ZNF646: variants seen among roughly 807,000 people sequenced by gnomAD.
The protein encoded by ZNF646 is zinc finger protein 646.
ZNF646 carries 49 observed loss-of-function variants against 115.4 expected under a neutral mutation model. The ratio of observed to expected loss-of-function variants is 0.42; its 90% CI spans 0.34 to 0.54. The LOEUF (loss-of-function observed/expected upper bound fraction) is 0.54. ZNF646 is among the 20% of genes least tolerant of loss of function. ZNF646 has a pLI of 0.04. For synonymous variants in ZNF646, 933 were observed against 939.0 expected (o/e 0.99, Z 0.12); for missense variants, 2,269 against 2,457.9 (o/e 0.92, Z 1.62).
rs140680683 is a variant in ZNF646 at position 31,076,514 on chromosome 16, G to A, written c.190G>A (p.Val64Ile). 2.5e-6 allele frequency: 4 copies of A among 1,613,272 alleles called. No individual in the cohort carries two copies. The African/African-American group carries it at 5.3e-5, about 22-fold the overall frequency. ...GRGYRHPGSL[V>I]NHRRTHETGL... Reference sequence around the variant, plus strand: ...GGGCTACCGTCACCCCGGGAGCCTGGTTAACCATCGTCGGACCCACGAGAC... The same window carrying A: ...GGGCTACCGTCACCCCGGGAGCCTGATTAACCATCGTCGGACCCACGAGAC... The change falls in exon 2 of 3, where the codon GTT becomes ATT. Residue 64 changes from valine (V) to isoleucine (I), a missense_variant. By Grantham distance (29) the Val-to-Ile change is conservative (BLOSUM62 3). Coordinates refer to ENST00000300850, the MANE Select transcript of ZNF646 (RefSeq NM_014699.4).
chr16:31,082,589 C>T lies in ZNF646; in HGVS notation c.5378-382C>T, dbSNP rs1003846723. 22 of 247,704 alleles carry T rather than the reference C, an allele frequency of 8.9e-5. 1 individual carries two copies. The South Asian group carries it at 9.0e-4, about 10-fold the overall frequency. 15.3% of individuals were successfully genotyped at this position (247,704 alleles called of 1,614,324 possible). A position where few individuals can be genotyped will look rare whatever the true frequency, so the allele number is the denominator to read the frequency against. ...AAGCCGCAGCTGCCAGGGAGTGGGG[C>T]GGCCGGTTCCCTCAGCAGGACCTGG... On this transcript the variant is annotated intron_variant, in intron 2 of 2. Coordinates refer to ENST00000300850, the MANE Select transcript of ZNF646 (RefSeq NM_014699.4).
intron 2 of ZNF646, 195 bp downstream of exon 2, chr16:31,081,896 C>T: frequency 2.1e-6 from 2 of 963,078 alleles, no homozygotes; most frequent in Non-Finnish European, 3.0e-6. Context: ...TCAGGTATAA[C>T]AAATAGCAGG....
At position 31,077,873 on chromosome 16, in the gene ZNF646, G is replaced by A. The variant is rs746151988; in HGVS notation, c.1549G>A (p.Ala517Thr). ...CAACCACGTGCGGGTACATTGCAAG[G>A]CTGCTCGCCGAAGTGCAGACATCGG... Reference protein sequence around the residue: ...LRNHVRVHCKAARRSADIGAE... With the variant: ...LRNHVRVHCKTARRSADIGAE... Residue 517 changes from alanine (A) to threonine (T), a missense_variant, in exon 2 of 3, where the codon GCT becomes ACT. Physicochemically the swap from Ala to Thr is moderately conservative, Grantham distance 58. This residue lies in a region of ZNF646 where 852 missense variants were observed against 900.2 expected (regional missense o/e 0.95). Transcript: ENST00000300850. The A allele has an allele frequency of 1.2e-6, 2 of 1,613,750 alleles. No homozygotes were observed. Among genetic ancestry groups the A allele is most frequent in the Non-Finnish European group, 1.7e-6 (2 of 1,180,026 alleles).
In ZNF646 at chr16:31,080,892, C is replaced by T. The variant is rs1397914153; in HGVS notation, c.4568C>T (p.Ser1523Phe). 6 of 1,614,028 alleles carry T rather than the reference C, an allele frequency of 3.7e-6. No homozygotes were observed. Among genetic ancestry groups the T allele is most frequent in the Non-Finnish European group, 4.2e-6 (5 of 1,180,046 alleles). The change falls in exon 2 of 3, where the codon TCT becomes TTT. Residue 1523 changes from serine (S) to phenylalanine (F), a missense_variant. Physicochemically the swap from Ser to Phe is radical, Grantham distance 155. Transcript: ENST00000300850. ...AGCTGGGACAACAGAGACAACAGCT[C>T]TCAGCTGCAGCCAGGGAGCCACTCC... ...MDSWDNRDNS[S>F]QLQPGSHSSC... is the part of the protein sequence containing the mutation.
Position 31,080,227 on chromosome 16 carries a change from TGGGCAGTGC to T in ZNF646, c.3908_3916del (p.Gln1303_Gly1305del). 1 of 1,610,518 alleles carries T rather than the reference TGGGCAGTGC, an allele frequency of 6.2e-7. No homozygotes were observed. ...CTCGGGAAGATCGGCCCTTCCGCTG[TGGGCAGTGC>T]GGGCGGACCTATCGCCACGCCGGCA... On this transcript the variant is annotated inframe_deletion, in exon 2 of 3. Coordinates refer to ENST00000300850, the MANE Select transcript of ZNF646 (RefSeq NM_014699.4).
Position 31,080,737 on chromosome 16 carries a change from G to A in ZNF646, c.4413G>A (p.Leu1471=). ...GTGGGTGGCCGGTAGGTGGGGGACT[G>A]GGGAATCATAGTGGAGGCTGGGTTC... ...KAGGWPVGGG[L]GNHSGGWVPQ... Residue 1471 remains leucine (L), a synonymous_variant, in exon 2 of 3, where the codon CTG becomes CTA. Coordinates refer to ENST00000300850, the MANE Select transcript of ZNF646 (RefSeq NM_014699.4). 6.2e-7 allele frequency: 1 copy of A among 1,613,646 alleles called. No individual in the cohort carries two copies.
rs752470325 is a variant in ZNF646 at position 31,079,578 on chromosome 16, C to A, written c.3254C>A (p.Ser1085Tyr). Residue 1085 changes from serine to tyrosine, a missense_variant, in exon 2 of 3, where the codon TCC (serine) becomes TAC (tyrosine). Around this residue, in one of 5 missense-constraint regions of ZNF646, gnomAD observed 1,062 missense variants for 1,172.8 expected, o/e 0.91. Transcript: ENST00000300850. This position sits in a 1 kb window ranked among gnomAD's most constrained non-coding sequence, Gnocchi z 5.5. Reference protein sequence around the residue: ...QTGDFLCPVCSRCYPNLAAYR... With the variant: ...QTGDFLCPVCYRCYPNLAAYR... ...GGAGACTTTCTCTGCCCTGTCTGCT[C>A]CCGCTGCTACCCCAACCTGGCTGCC... 2 of 1,613,392 alleles carry A rather than the reference C, an allele frequency of 1.2e-6. No homozygotes were observed. Among genetic ancestry groups the A allele is most frequent in the Non-Finnish European group, 1.7e-6 (2 of 1,180,024 alleles).
In ZNF646 at chr16:31,081,384, G is replaced by A. The variant is rs1468254839; in HGVS notation, c.5060G>A (p.Arg1687His). 3.1e-6 allele frequency: 5 copies of A among 1,611,906 alleles called. No individual in the cohort carries two copies. Among genetic ancestry groups the A allele is most frequent in the South Asian group, 1.1e-5 (1 of 91,040 alleles). The change falls in exon 2 of 3, where the codon CGC (arginine) becomes CAC (histidine). Residue 1687 changes from arginine to histidine, a missense_variant. Arg to His is a conservative substitution (Grantham distance 29). This residue lies in a region of ZNF646 where 1,062 missense variants were observed against 1,172.8 expected (regional missense o/e 0.91). Transcript: ENST00000300850. ...FRCTQCGRSYRHAGSLLNHQK... is the reference protein window; with the variant it reads ...FRCTQCGRSYHHAGSLLNHQK... ...TGCACCCAGTGCGGGCGCTCCTACC[G>A]CCATGCTGGCAGCCTGCTGAACCAC... is the stretch of plus-strand genomic sequence containing the variant.
Position 31,080,399 on chromosome 16 carries a change from T to G in ZNF646, c.4075T>G (p.Ser1359Ala). The change falls in exon 2 of 3, where the codon TCC becomes GCC. Residue 1359 changes from serine (S) to alanine (A), a missense_variant. Transcript: ENST00000300850. ...GAATCGGCGGCGACGGGCTGGACGG[T>G]CCAGGCGCACAGCTGTGCGTTGCGC... ...SENRRRRAGR[S>A]RRTAVRCALC... 6.2e-7 allele frequency: 1 copy of G among 1,613,064 alleles called. No homozygotes were observed. The highest frequency in any genetic ancestry group is 8.5e-7 in the Non-Finnish European group (1 of 1,179,846).
upstream of ZNF646, chr16:31,073,632 T>C (rs1239981248): frequency 6.6e-6 from 1 of 152,156 alleles, no homozygotes; most frequent in African/African-American, 2.4e-5. Context: ...CCCGGGGCCC[T>C]CGCGGCTTCC....
chr16:31,078,447 C>T lies in ZNF646; in HGVS notation c.2123C>T (p.Pro708Leu). 6.3e-7 allele frequency: 1 copy of T among 1,595,282 alleles called. No individual in the cohort carries two copies. The highest frequency in any genetic ancestry group is 1.7e-5 in the Admixed American group (1 of 58,220). The change falls in exon 2 of 3, where the codon CCC becomes CTC. Residue 708 changes from proline (P) to leucine (L), a missense_variant. Transcript: ENST00000300850. ...ELEDNEGLES[P>L]QDPSGESPHG... ...GAAGACAATGAAGGCCTGGAGTCTC[C>T]CCAAGACCCTTCAGGGGAAAGTCCT...
chr16:31,082,032 C>T (rs1396587979), intron 2 of ZNF646: 41 of 436,152 alleles, frequency 9.4e-5, no homozygotes, highest in Non-Finnish European at 1.5e-4. Context: ...CCCCTGGCTG[C>T]TGTGTCTGGA....
chr16:31,078,505 G>A lies in ZNF646; in HGVS notation c.2181G>A (p.Gly727=). Residue 727 remains glycine, a synonymous_variant, in exon 2 of 3, where the codon GGG becomes GGA. Transcript: ENST00000300850. ...CTGAAGGCAACCTGGAAAGTGATGG[G>A]GACTGTTTGCAGGCTGAATCTGAAG... ...HGAEGNLESD[G]DCLQAESEGD... 1.3e-6 allele frequency: 2 copies of A among 1,592,868 alleles called. No individual in the cohort carries two copies. Among genetic ancestry groups the A allele is most frequent in the South Asian group, 2.3e-5 (2 of 87,988 alleles).
chr16:31,080,094 G>A lies in ZNF646; in HGVS notation c.3770G>A (p.Arg1257His), dbSNP rs1250768494. ...CGGCGCATCCATGCAGATCCCCGAC[G>A]TTTCCGCTGCAGCGAGTGTGGGAAG... is the stretch of plus-strand genomic sequence containing the variant. ...NHRRIHADPR[R>H]FRCSECGKAF... is the part of the protein sequence containing the mutation. The change falls in exon 2 of 3, where the codon CGT (arginine) becomes CAT (histidine). Residue 1257 changes from arginine (R) to histidine (H), a missense_variant. This residue lies in a region of ZNF646 where 1,062 missense variants were observed against 1,172.8 expected (regional missense o/e 0.91). Coordinates refer to ENST00000300850, the MANE Select transcript of ZNF646 (RefSeq NM_014699.4). 4 of 1,613,160 alleles carry A rather than the reference G, an allele frequency of 2.5e-6. No individual in the cohort carries two copies. The highest frequency in any genetic ancestry group is 1.6e-4 in the Middle Eastern group (1 of 6,062).
Position 31,076,288 on chromosome 16 carries a change from C to G in ZNF646, c.-37C>G. On this transcript the variant is annotated 5_prime_UTR_variant, in exon 2 of 3. Coordinates refer to ENST00000300850, the MANE Select transcript of ZNF646 (RefSeq NM_014699.4). ...AGAGGAAGGTGCTGCCACGTGTCTG[C>G]TCCTTCTGAACCTCCAGGTTTCTGC... 5.1e-6 allele frequency: 8 copies of G among 1,572,130 alleles called. No homozygotes were observed. Among genetic ancestry groups the G allele is most frequent in the Non-Finnish European group, 6.9e-6 (8 of 1,155,490 alleles).
intron 1 of ZNF646, among the ~76,000 whole-genome samples, chr16:31,075,724 C>G (rs757705601): frequency 1.3e-5 from 2 of 152,200 alleles, no homozygotes; most frequent in Non-Finnish European, 2.9e-5. Context: ...TCTAACCTCT[C>G]CTCTCAGGTC....
Position 31,080,721 on chromosome 16 carries a change from C to T in ZNF646, c.4397C>T (p.Pro1466Leu), listed in dbSNP as rs148656745. The T allele has an allele frequency of 8.0e-4, 1,288 of 1,613,578 alleles. 6 individuals carry two copies. In the African/African-American group the frequency reaches 0.014, roughly 18 times the overall value. ...SWGAGKAGGW[P>L]VGGGLGNHSG... is the part of the protein sequence containing the mutation. Reference sequence around the variant, plus strand: ...GGTGCAGGGAAGGCAGGTGGGTGGCCGGTAGGTGGGGGACTGGGGAATCAT... The same window carrying T: ...GGTGCAGGGAAGGCAGGTGGGTGGCTGGTAGGTGGGGGACTGGGGAATCAT... The change falls in exon 2 of 3, where the codon CCG (proline) becomes CTG (leucine). Residue 1466 changes from proline (P) to leucine (L), a missense_variant. This residue lies in a region of ZNF646 where 1,062 missense variants were observed against 1,172.8 expected (regional missense o/e 0.91). Coordinates refer to ENST00000300850, the MANE Select transcript of ZNF646 (RefSeq NM_014699.4).
At position 31,083,489 on chromosome 16, in the gene ZNF646, CAAA is replaced by C; in HGVS notation, c.*402_*404del. The C allele has an allele frequency of 1.1e-5, 15 of 1,326,650 alleles. No individual in the cohort carries two copies. Among genetic ancestry groups the C allele is most frequent in the Non-Finnish European group, 1.4e-5 (14 of 1,033,660 alleles). 82.2% of individuals were successfully genotyped at this position (1,326,650 alleles called of 1,614,324 possible). ...TAAAAAAAGGAAAACTGCTGCCCCCCAAAAAAAGAAATTTTCAAAACAACGTGG... is the reference window on the plus strand; with the variant it reads ...TAAAAAAAGGAAAACTGCTGCCCCCCAAAAGAAATTTTCAAAACAACGTGG... On this transcript the variant is annotated 3_prime_UTR_variant, in exon 3 of 3. Transcript: ENST00000300850.
At chr16:31,073,315 G>C (rs2057031967), upstream of ZNF646, 1 of 152,478 alleles carries the variant, frequency 6.6e-6, no homozygotes, top group Admixed American at 6.5e-5. Context: ...CAGGGGAGGG[G>C]GCCGCCGGCG....
Sources: allele counts gnomAD v4.1 joint callset (sites outside exome capture counted in the v4.1 genomes callset), GRCh38; gene constraint gnomAD v4.1.1; regional missense constraint gnomAD v4.1.1; non-coding constraint Gnocchi (gnomAD v3.1); transcripts MANE v1.5; gene names NCBI Gene and HGNC (gene_info 2026-07-23, HGNC 2026-07-21).